Variants in ZFC3H1 observed in about 807,000 individuals in gnomAD.
ZFC3H1 encodes zinc finger C3H1-type containing.
In ZFC3H1, 71 loss-of-function variants were observed where a neutral mutation model predicts 243.7. The observed-to-expected ratio is 0.29, with a 90% CI of 0.24 to 0.36. The LOEUF (loss-of-function observed/expected upper bound fraction) is 0.36. Among genes scored for constraint, ZFC3H1 ranks in the 10% least tolerant of loss-of-function variants. The pLI is 1.00. For synonymous variants in ZFC3H1, 838 were observed against 813.0 expected, an observed-to-expected ratio of 1.03 and a Z score of -0.52; for missense variants, 1,966 against 2,317.1, an observed-to-expected ratio of 0.85 and a Z score of 3.11.
intron 6 of ZFC3H1, among the ~76,000 whole-genome samples, chr12:71,639,917 T>A (rs577794852): frequency 7.0e-4 from 106 of 152,364 alleles, no homozygotes; most frequent in African/African-American, 2.4e-3. Flanking sequence ...CTCTTGATTC[T>A]GTGTCAAGCT....
intron 18 of ZFC3H1, among the ~76,000 whole-genome samples, chr12:71,630,199 AT>A (rs1400410539): frequency 1.3e-5 from 2 of 152,206 alleles, no homozygotes; most frequent in African/African-American, 2.4e-5. Context: ...GCCTTCCTCT[AT>A]TTTTTGAAAA....
At chr12:71,634,065 T>C in intron 12 of ZFC3H1, 90 bp downstream of exon 12, 1 of 1,310,078 alleles carries the variant, frequency 7.6e-7, no homozygotes, top group Non-Finnish European at 1.0e-6. Flanking sequence ...AAATGTATAA[T>C]CTTATAGTAC....
At position 71,624,304 on chromosome 12, in the gene ZFC3H1, G is replaced by A; in HGVS notation, c.4318-12C>T. The A allele has an allele frequency of 1.3e-6, 2 of 1,571,526 alleles. No individual in the cohort carries two copies. The highest frequency in any genetic ancestry group is 1.7e-6 in the Non-Finnish European group (2 of 1,159,378). On this transcript the variant is annotated splice_polypyrimidine_tract_variant and intron_variant, in intron 22 of 34. Transcript: ENST00000378743. ...TCTAGGTGTAGAAACTGCCCAAAGG[G>A]CCTTTATATTATTAATGTTGCCTTT... is the stretch of plus-strand genomic sequence containing the variant.
chr12:71,640,664 C>T (rs368555213), intron 6 of ZFC3H1, among the ~76,000 whole-genome samples: 6 of 152,338 alleles, frequency 3.9e-5, no homozygotes, highest in African/African-American at 7.2e-5. Flanking sequence ...CCTCTGGCCT[C>T]TCTACCTTGG....
intron 11 of ZFC3H1, 90 bp from the exon 12 acceptor site, chr12:71,634,394 T>C: frequency 3.6e-6 from 5 of 1,385,566 alleles, no homozygotes; most frequent in Non-Finnish European, 4.9e-6. Flanking sequence ...AGTAACAATA[T>C]TAATCACACC....
chr12:71,645,150 T>C (rs571469857), intron 3 of ZFC3H1, 75 bp from the exon 4 acceptor site: 15 of 1,396,496 alleles, frequency 1.1e-5, no homozygotes, highest in Non-Finnish European at 1.0e-5. Flanking sequence ...AGTCAAATCC[T>C]TTATGATAAA....
At chr12:71,648,431 T>C (rs151241072) in intron 2 of ZFC3H1, among the ~76,000 whole-genome samples, 1 of 152,228 alleles carries the variant, frequency 6.6e-6, no homozygotes, top group East Asian at 1.9e-4. Context: ...CATCACATGA[T>C]AAAGTTACAG....
At position 71,647,750 on chromosome 12, in the gene ZFC3H1, T is replaced by C. The variant is rs777075639; in HGVS notation, c.1079A>G (p.Lys360Arg). 3 of 1,474,394 alleles carry C rather than the reference T, an allele frequency of 2.0e-6. No individual in the cohort carries two copies. Among genetic ancestry groups the C allele is most frequent in the Admixed American group, 4.3e-5 (2 of 46,046 alleles). The allele number at this position is 1,474,394 out of a possible 1,614,324, so 91.3% of individuals were successfully genotyped here. A position where few individuals can be genotyped will look rare whatever the true frequency, so the allele number is the denominator to read the frequency against. ...TAGTCTCACAAAGCAGTATCTTACC[T>C]TTTCAGACAGAATATCTGAGGTACT... Reference protein sequence around the residue: ...RISTSDILSEKKLGEDEEELS... With the variant: ...RISTSDILSERKLGEDEEELS... The change falls in exon 3 of 35, where the codon AAG (lysine) becomes AGG (arginine). Residue 360 changes from lysine to arginine, a missense_variant and splice_region_variant. Coordinates refer to ENST00000378743, the MANE Select transcript of ZFC3H1 (RefSeq NM_144982.5).
chr12:71,634,508 G>C (rs1442105011), intron 11 of ZFC3H1, among the ~76,000 whole-genome samples, 196 bp downstream of exon 11: 1 of 151,984 alleles, frequency 6.6e-6, no homozygotes, highest in Non-Finnish European at 1.5e-5. Flanking sequence ...TTCTAAGCTG[G>C]TTATGTCCTA....
chr12:71,641,787 T>C (rs1033889866), intron 6 of ZFC3H1, among the ~76,000 whole-genome samples: 1 of 152,224 alleles, frequency 6.6e-6, no homozygotes, highest in African/African-American at 2.4e-5. Context: ...AAGCAGAAAG[T>C]ATCTTGGATA....
chr12:71,618,674 T>C (rs1351122227), intron 27 of ZFC3H1, among the ~76,000 whole-genome samples: 6 of 138,916 alleles, frequency 4.3e-5, no homozygotes, highest in African/African-American at 9.9e-5. Flanking sequence ...AGAAAAAAGT[T>C]TGCTAACCCC....
chr12:71,628,855 G>A, intron 20 of ZFC3H1, 63 bp downstream of exon 20: 1 of 1,499,030 alleles, frequency 6.7e-7, no homozygotes, highest in Non-Finnish European at 8.9e-7. Flanking sequence ...TTAGCAAAGT[G>A]TTAAATAAAG....
chr12:71,663,236 G>A lies in ZFC3H1; in HGVS notation c.375C>T (p.Ser125=), dbSNP rs749418676. The A allele has an allele frequency of 3.1e-6, 5 of 1,613,780 alleles. No homozygotes were observed. The African/African-American group carries it at 5.3e-5, about 17-fold the overall frequency. The stretch of plus-strand genomic sequence containing the variant: ...AGAAAGACGGCCGGGGACTGCTTTC[G>A]GACAGTGAGCTCGAAGGCATCCGTA... ...PSVRMPSSSL[S]ESSPRPSFWE... The change falls in exon 1 of 35, where the codon TCC becomes TCT. Residue 125 remains serine, a synonymous_variant. Coordinates refer to ENST00000378743, the MANE Select transcript of ZFC3H1 (RefSeq NM_144982.5).
At chr12:71,654,554 G>A (rs1434300535) in intron 2 of ZFC3H1, among the ~76,000 whole-genome samples, 1 of 152,140 alleles carries the variant, frequency 6.6e-6, no homozygotes, top group Non-Finnish European at 1.5e-5. Flanking sequence ...ATCATTCTTT[G>A]TATTTCGGGG....
At position 71,623,378 on chromosome 12, in the gene ZFC3H1, A is replaced by G. The variant is rs754910464; in HGVS notation, c.4726T>C (p.Leu1576=). 4 of 1,610,444 alleles carry G rather than the reference A, an allele frequency of 2.5e-6. No homozygotes were observed. The highest frequency in any genetic ancestry group is 3.4e-6 in the Non-Finnish European group (4 of 1,178,856). Residue 1576 remains leucine (L), a synonymous_variant, in exon 24 of 35, where the codon TTG becomes CTG. Coordinates refer to ENST00000378743, the MANE Select transcript of ZFC3H1 (RefSeq NM_144982.5). The part of the protein sequence containing the change: ...VQDVKTNPDM[L]LAVFEDAVKA... Reference sequence around the variant, plus strand: ...TACTTACCTTCAAAAACTGCTAACAACATGTCAGGATTAGTCTTTACATCT... The same window carrying G: ...TACTTACCTTCAAAAACTGCTAACAGCATGTCAGGATTAGTCTTTACATCT...
Position 71,657,202 on chromosome 12 carries a change from T to C in ZFC3H1, c.698A>G (p.Lys233Arg), listed in dbSNP as rs1248937681. ...GCATTCTAGTTCCAACTGTATTTGT[T>C]TATACTTTAAAAGCAAATCTTCAAA... The part of the protein sequence containing the change: ...ETFEDLLLKY[K>R]QIQLELECIN... The change falls in exon 2 of 35, where the codon AAA (lysine) becomes AGA (arginine). Residue 233 changes from lysine (K) to arginine (R), a missense_variant. Around this residue, in one of 4 missense-constraint regions of ZFC3H1, gnomAD observed 484 missense variants for 449.7 expected, o/e 1.08. Coordinates refer to ENST00000378743, the MANE Select transcript of ZFC3H1 (RefSeq NM_144982.5). 1.2e-6 allele frequency: 2 copies of C among 1,610,982 alleles called. No individual in the cohort carries two copies. The highest frequency in any genetic ancestry group is 1.7e-6 in the Non-Finnish European group (2 of 1,179,272).
chr12:71,658,282 ATTT>A (rs11454442), intron 1 of ZFC3H1, among the ~76,000 whole-genome samples: 3 of 92,798 alleles, frequency 3.2e-5, no homozygotes, highest in Admixed American at 1.3e-4. Flanking sequence ...TCATTTATAG[ATTT>A]TTTTTTTTTT....
intron 27 of ZFC3H1, among the ~76,000 whole-genome samples, chr12:71,618,989 ACT>A (rs775600594): frequency 2.6e-5 from 4 of 152,230 alleles, no homozygotes; most frequent in Non-Finnish European, 5.9e-5. Context: ...GTAAAAAATC[ACT>A]GAGATTGCCT....
chr12:71,613,274 T>C, intron 31 of ZFC3H1, 61 bp downstream of exon 31: 2 of 1,208,928 alleles, frequency 1.7e-6, no homozygotes, highest in East Asian at 2.5e-5. Context: ...TCAAGAATAA[T>C]CTTATATAAA....
Sources: allele counts gnomAD v4.1 joint callset (sites outside exome capture counted in the v4.1 genomes callset), GRCh38; gene constraint gnomAD v4.1.1; regional missense constraint gnomAD v4.1.1; transcripts MANE v1.5; gene names NCBI Gene and HGNC (gene_info 2026-07-23, HGNC 2026-07-21).